The following PLCG1 variants were observed in gnomAD, a reference collection of about 807,000 sequenced individuals.
The protein encoded by PLCG1 is 1-phosphatidylinositol 4,5-bisphosphate phosphodiesterase gamma-1.
PLCG1 carries 71 observed loss-of-function variants against 177.8 expected under a neutral mutation model. The observed-to-expected ratio is 0.40, with a 90% CI of 0.33 to 0.49. The LOEUF is 0.49. Among genes scored for constraint, PLCG1 ranks in the 20% least tolerant of loss-of-function variants. The probability of loss-of-function intolerance (pLI) is 0.72; values close to 1 mark genes in which losing one functional copy is unlikely to be tolerated. For missense variants in PLCG1, 1,281 were observed against 1,709.0 expected, an observed-to-expected ratio of 0.75 and a Z score of 4.42; for synonymous variants, 658 against 647.9, an observed-to-expected ratio of 1.02 and a Z score of -0.24.
chr20:41,159,774 G>A lies in PLCG1; in HGVS notation c.370+16G>A, dbSNP rs768233546. 11 of 1,614,122 alleles carry A rather than the reference G, an allele frequency of 6.8e-6. No homozygotes were observed. The highest frequency in any genetic ancestry group is 9.3e-6 in the Non-Finnish European group (11 of 1,179,966). On this transcript the variant is annotated intron_variant, in intron 2 of 31. Coordinates refer to ENST00000685551, the MANE Select transcript of PLCG1 (RefSeq NM_002660.3). The surrounding 1 kb of genome is among the most constrained non-coding windows in gnomAD (Gnocchi z 6.0). ...AGCCTGCAAGGTGGGAGTTAAGGGG[G>A]TAGAGGAGGTAGAGGATAGTTAGGG...
At chr20:41,171,990 GA>G (rs1311999743) in intron 24 of PLCG1, among the ~76,000 whole-genome samples, 3 of 152,348 alleles carry the variant, frequency 2.0e-5, no homozygotes, top group Admixed American at 2.0e-4. Flanking sequence ...CTCTGGGACA[GA>G]AAAGAGGAAA....
Position 41,173,346 on chromosome 20 carries a change from T to C in PLCG1, c.3280-74T>C. ...CGCGCTGCCTCCACTCCACAGATGC[T>C]GACTGAGCCTCCGCAGTGGGGAATT... On this transcript the variant is annotated intron_variant, in intron 27 of 31. Coordinates refer to ENST00000685551, the MANE Select transcript of PLCG1 (RefSeq NM_002660.3). The surrounding 1 kb of genome is among the most constrained non-coding windows in gnomAD (Gnocchi z 6.2). The C allele has an allele frequency of 2.1e-6, 3 of 1,444,216 alleles. No individual in the cohort carries two copies. The highest frequency in any genetic ancestry group is 2.8e-6 in the Non-Finnish European group (3 of 1,084,208). 89.5% of individuals were successfully genotyped at this position (1,444,216 alleles called of 1,614,324 possible).
Position 41,174,374 on chromosome 20 carries a change from T to G in PLCG1, c.3833+63T>G. 6.2e-7 allele frequency: 1 copy of G among 1,602,460 alleles called. No homozygotes were observed. Among genetic ancestry groups the G allele is most frequent in the South Asian group, 1.1e-5 (1 of 90,794 alleles). On this transcript the variant is annotated intron_variant, in intron 31 of 31. Coordinates refer to ENST00000685551, the MANE Select transcript of PLCG1 (RefSeq NM_002660.3). This position sits in a 1 kb window ranked among gnomAD's most constrained non-coding sequence, Gnocchi z 5.8. ...GTGGCTAGGTCCTCCTTCTTCAGTG[T>G]TTCTTTCTCCTGGGTAGAAAAGTTG...
chr20:41,142,237 T>C (rs1182231098), intron 1 of PLCG1, among the ~76,000 whole-genome samples: 1 of 152,244 alleles, frequency 6.6e-6, no homozygotes, highest in Non-Finnish European at 1.5e-5. Context: ...GGCACCTGTC[T>C]GTGCCGAGGC....
chr20:41,167,794 C>T lies in PLCG1; in HGVS notation c.2302-58C>T, dbSNP rs890448855. ...GGGAAGCTGCTCCAGAAACCAGTAG[C>T]TGCTTTCTACCTCTGGGCTCTGGGG... On this transcript the variant is annotated intron_variant, in intron 19 of 31. Transcript: ENST00000685551. The surrounding 1 kb of genome is among the most constrained non-coding windows in gnomAD (Gnocchi z 4.4). 3.8e-5 allele frequency: 48 copies of T among 1,264,284 alleles called. 1 individual carries two copies. Among genetic ancestry groups the T allele is most frequent in the Non-Finnish European group, 8.1e-6 (7 of 864,328 alleles). The allele number at this position is 1,264,284 out of a possible 1,614,324, so 78.3% of individuals were successfully genotyped here.
Position 41,166,084 on chromosome 20 carries a change from C to T in PLCG1, c.1800-110C>T. On this transcript the variant is annotated intron_variant, in intron 16 of 31. Transcript: ENST00000685551. This position sits in a 1 kb window ranked among gnomAD's most constrained non-coding sequence, Gnocchi z 8.6. ...CACCTGAGCTCCTCAGGAGATTGGC[C>T]TCCCTCCTTGAGGCTCCCTCCTTGA... The T allele has an allele frequency of 4.1e-6, 4 of 975,396 alleles. No homozygotes were observed. In the South Asian group the frequency reaches 6.1e-5, roughly 15 times the overall value. The allele number at this position is 975,396 out of a possible 1,614,324, so 60.4% of individuals were successfully genotyped here.
chr20:41,144,530 G>A lies in PLCG1; in HGVS notation c.217+6672G>A, dbSNP rs2034936925. ...ACACTCCTACATGGGGGTGAATGTAGCCGCTGATTGGGGGTGGGACACAGA... is the reference window on the plus strand; with the variant it reads ...ACACTCCTACATGGGGGTGAATGTAACCGCTGATTGGGGGTGGGACACAGA... On this transcript the variant is annotated intron_variant, in intron 1 of 31. Transcript: ENST00000685551. This position sits in a 1 kb window ranked among gnomAD's most constrained non-coding sequence, Gnocchi z 4.1. Among the ~76,000 whole-genome samples the A allele has an allele frequency of 6.6e-6, 1 of 152,140 alleles. No individual in the cohort carries two copies. Among genetic ancestry groups the A allele is most frequent in the South Asian group, 2.1e-4 (1 of 4,822 alleles).
chr20:41,169,340 C>A, intron 22 of PLCG1, 117 bp from the exon 23 acceptor site: 2 of 956,758 alleles, frequency 2.1e-6, no homozygotes, highest in Non-Finnish European at 3.4e-6. Flanking sequence ...TATACCTGTG[C>A]TACATTTGGC....
In PLCG1 at chr20:41,164,098, C is replaced by T; in HGVS notation, c.1114C>T (p.Pro372Ser). Reference sequence around the variant, plus strand: ...CTCCCCAGTGGACTGCTGGGACGGCCCGGATGGGATGCCAGTTATTTACCA... The same window carrying T: ...CTCCCCAGTGGACTGCTGGGACGGCTCGGATGGGATGCCAGTTATTTACCA... ...RCIELDCWDG[P>S]DGMPVIYHGH... The change falls in exon 12 of 32, where the codon CCG becomes TCG. Residue 372 changes from proline to serine, a missense_variant. Pro to Ser is a moderately conservative substitution (Grantham distance 74, BLOSUM62 -1). Coordinates refer to ENST00000685551, the MANE Select transcript of PLCG1 (RefSeq NM_002660.3). This position sits in a 1 kb window ranked among gnomAD's most constrained non-coding sequence, Gnocchi z 6.4. 6.2e-7 allele frequency: 1 copy of T among 1,614,092 alleles called. No homozygotes were observed. Among genetic ancestry groups the T allele is most frequent in the Non-Finnish European group, 8.5e-7 (1 of 1,180,026 alleles).
rs1049490076 is a variant in PLCG1 at position 41,157,930 on chromosome 20, A to G, written c.218-1676A>G. Among the ~76,000 whole-genome samples, 2 of 152,100 alleles carry G rather than the reference A, an allele frequency of 1.3e-5. No homozygotes were observed. The highest frequency in any genetic ancestry group is 6.5e-5 in the Admixed American group (1 of 15,278). The stretch of plus-strand genomic sequence containing the variant: ...CTCGGGAGGGGCTTGAATGAGGTCT[A>G]GGGGGGTCAGAATAATGTTTTATGA... On this transcript the variant is annotated intron_variant, in intron 1 of 31. Transcript: ENST00000685551. The surrounding 1 kb of genome is among the most constrained non-coding windows in gnomAD (Gnocchi z 5.4).
chr20:41,166,079 T>C lies in PLCG1; in HGVS notation c.1800-115T>C. On this transcript the variant is annotated intron_variant, in intron 16 of 31. Transcript: ENST00000685551. This position sits in a 1 kb window ranked among gnomAD's most constrained non-coding sequence, Gnocchi z 8.6. The stretch of plus-strand genomic sequence containing the variant: ...GCCCACACCTGAGCTCCTCAGGAGA[T>C]TGGCCTCCCTCCTTGAGGCTCCCTC... 3 of 871,090 alleles carry C rather than the reference T, an allele frequency of 3.4e-6. No individual in the cohort carries two copies. Among genetic ancestry groups the C allele is most frequent in the Admixed American group, 2.3e-5 (1 of 43,760 alleles). 54.0% of individuals were successfully genotyped at this position (871,090 alleles called of 1,614,324 possible).
At position 41,148,607 on chromosome 20, in the gene PLCG1, A is replaced by C. The variant is rs1394951259; in HGVS notation, c.217+10749A>C. 6.6e-6 allele frequency among the ~76,000 whole-genome samples: 1 copy of C among 152,248 alleles called. No homozygotes were observed. The highest frequency in any genetic ancestry group is 2.4e-5 in the African/African-American group (1 of 41,466). ...AGTATTTTTCTTGAATAAGGTCCCC[A>C]AAACCTTATTAAGTTCCTGGTAGGC... On this transcript the variant is annotated intron_variant, in intron 1 of 31. Coordinates refer to ENST00000685551, the MANE Select transcript of PLCG1 (RefSeq NM_002660.3). The surrounding 1 kb of genome is among the most constrained non-coding windows in gnomAD (Gnocchi z 4.3).
intron 22 of PLCG1, 43 bp from the exon 23 acceptor site, chr20:41,169,414 T>C (rs766245972): frequency 9.0e-6 from 13 of 1,442,540 alleles, no homozygotes; most frequent in African/African-American, 2.8e-5. Context: ...CACACACATA[T>C]GCAGTAGCCA....
At chr20:41,155,326 C>T (rs898977224) in intron 1 of PLCG1, among the ~76,000 whole-genome samples, 3 of 152,166 alleles carry the variant, frequency 2.0e-5, no homozygotes, top group Admixed American at 2.0e-4. Context: ...GGTAGTGTGC[C>T]TACATGTAAG....
At position 41,164,711 on chromosome 20, in the gene PLCG1, A is replaced by C. The variant is rs1291687142; in HGVS notation, c.1218-222A>C. ...GCTGAGCAGCCTCCATAATTGGGCC[A>C]GCTCGGGACTGCATCAGTTGCCACC... On this transcript the variant is annotated intron_variant, in intron 12 of 31. Coordinates refer to ENST00000685551, the MANE Select transcript of PLCG1 (RefSeq NM_002660.3). The surrounding 1 kb of genome is among the most constrained non-coding windows in gnomAD (Gnocchi z 6.4). 6.6e-6 allele frequency among the ~76,000 whole-genome samples: 1 copy of C among 152,210 alleles called. No homozygotes were observed. The highest frequency in any genetic ancestry group is 1.5e-5 in the Non-Finnish European group (1 of 68,042).
intron 1 of PLCG1, among the ~76,000 whole-genome samples, chr20:41,155,771 G>C (rs2035301376): frequency 6.6e-6 from 1 of 152,174 alleles, no homozygotes; most frequent in Admixed American, 6.5e-5. Flanking sequence ...CAGGTAGACA[G>C]GTGGGCTGTC....
Position 41,174,098 on chromosome 20 carries a change from C to G in PLCG1, c.3646-26C>G, listed in dbSNP as rs551576808. ...TAGAAGTGCAGAGGAGTCATTGACC[C>G]TCTTGTGCACCTGGCTTCGTTGAAG... On this transcript the variant is annotated intron_variant, in intron 30 of 31. Coordinates refer to ENST00000685551, the MANE Select transcript of PLCG1 (RefSeq NM_002660.3). The surrounding 1 kb of genome is among the most constrained non-coding windows in gnomAD (Gnocchi z 5.8). 3 of 1,612,226 alleles carry G rather than the reference C, an allele frequency of 1.9e-6. No individual in the cohort carries two copies. Among genetic ancestry groups the G allele is most frequent in the East Asian group, 2.2e-5 (1 of 44,818 alleles).
Position 41,163,253 on chromosome 20 carries a change from A to T in PLCG1, c.767A>T (p.Gln256Leu). Residue 256 changes from glutamine (Q) to leucine (L), a missense_variant, in exon 8 of 32, where the codon CAG (glutamine) becomes CTG (leucine). Physicochemically the swap from Gln to Leu is moderately radical, Grantham distance 113. Coordinates refer to ENST00000685551, the MANE Select transcript of PLCG1 (RefSeq NM_002660.3). This position sits in a 1 kb window ranked among gnomAD's most constrained non-coding sequence, Gnocchi z 5.2. ...LCRVSLPEFQ[Q>L]FLLDYQGELW... ...CGAGTGTCCCTTCCTGAGTTCCAGC[A>T]GTTCCTTCTTGACTACCAGGGGGTA... 1.3e-6 allele frequency: 2 copies of T among 1,555,750 alleles called. No individual in the cohort carries two copies. The highest frequency in any genetic ancestry group is 1.7e-6 in the Non-Finnish European group (2 of 1,153,410).
Position 41,144,920 on chromosome 20 carries a change from C to T in PLCG1, c.217+7062C>T, listed in dbSNP as rs571351898. Among the ~76,000 whole-genome samples the T allele has an allele frequency of 1.6e-4, 25 of 151,982 alleles. No individual in the cohort carries two copies. Among genetic ancestry groups the T allele is most frequent in the African/African-American group, 5.1e-4 (21 of 41,418 alleles). ...AGTGGCTCATTGAATAAGTGAGAGA[C>T]GACTTGTGCTTCCCTGGCTTTAGAC... On this transcript the variant is annotated intron_variant, in intron 1 of 31. Transcript: ENST00000685551. This position sits in a 1 kb window ranked among gnomAD's most constrained non-coding sequence, Gnocchi z 4.1.
Sources: allele counts gnomAD v4.1 joint callset (sites outside exome capture counted in the v4.1 genomes callset), GRCh38; gene constraint gnomAD v4.1.1; non-coding constraint Gnocchi (gnomAD v3.1); transcripts MANE v1.5; gene names NCBI Gene and HGNC (gene_info 2026-07-23, HGNC 2026-07-21).